The following MATN2 variants were observed in gnomAD, a reference collection of about 807,000 sequenced individuals.
MATN2 encodes the protein matrilin 2.
Under a neutral mutation model 103.2 loss-of-function variants are expected in MATN2, and 69 were observed. The ratio of observed to expected loss-of-function variants is 0.67; its 90% CI spans 0.55 to 0.82. MATN2 has a LOEUF of 0.82. MATN2 is among the 40% of genes least tolerant of loss of function. The pLI, the probability that MATN2 is intolerant of heterozygous loss-of-function variation, is 0.00. For missense variants in MATN2, 1,023 were observed against 1,211.5 expected (o/e 0.84, Z 2.31); for synonymous variants, 429 against 450.2 (o/e 0.95, Z 0.60).
At chr8:98,026,687 T>C (rs1409960403) in intron 13 of MATN2, among the ~76,000 whole-genome samples, 1 of 151,598 alleles carries the variant, frequency 6.6e-6, no homozygotes, top group Non-Finnish European at 1.5e-5. Flanking sequence ...TATTGGGGGG[T>C]GGGGCACAAA....
chr8:98,013,948 A>G (rs189113103), intron 10 of MATN2, among the ~76,000 whole-genome samples: 12 of 152,282 alleles, frequency 7.9e-5, no homozygotes, highest in Admixed American at 2.0e-4. Flanking sequence ...ATCTCAACAA[A>G]AAATATGAAA....
chr8:97,990,179 C>CAAAA (rs34924183), intron 6 of MATN2, among the ~76,000 whole-genome samples: 13 of 45,718 alleles, frequency 2.8e-4, no homozygotes, highest in African/African-American at 4.2e-4. Context: ...AAGACTCTGT[C>CAAAA]AAAAAAAAAA....
At chr8:97,908,297 T>A (rs930236425) in intron 2 of MATN2, among the ~76,000 whole-genome samples, 1 of 151,518 alleles carries the variant, frequency 6.6e-6, no homozygotes, top group African/African-American at 2.4e-5. Flanking sequence ...AAAGTATGAC[T>A]CTACTATGAG....
At chr8:97,893,135 C>G (rs1297395008) in intron 2 of MATN2, among the ~76,000 whole-genome samples, 4 of 152,204 alleles carry the variant, frequency 2.6e-5, no homozygotes, top group Non-Finnish European at 5.9e-5. Flanking sequence ...ACTGTACTCT[C>G]CGGACAGACT....
chr8:97,975,536 AG>A (rs1477481162), intron 5 of MATN2, among the ~76,000 whole-genome samples: 1 of 152,162 alleles, frequency 6.6e-6, no homozygotes, highest in Non-Finnish European at 1.5e-5. Context: ...GTAGAGTGTG[AG>A]TTTCTGACTT....
chr8:97,905,507 T>A (rs1733260396), intron 2 of MATN2, among the ~76,000 whole-genome samples: 1 of 152,188 alleles, frequency 6.6e-6, no homozygotes, highest in Non-Finnish European at 1.5e-5. Flanking sequence ...CTTTTTTCAT[T>A]TAGCTTAGTG....
At chr8:97,878,936 T>C (rs1293691375) in intron 1 of MATN2, among the ~76,000 whole-genome samples, 1 of 152,222 alleles carries the variant, frequency 6.6e-6, no homozygotes, top group Non-Finnish European at 1.5e-5. Flanking sequence ...GAGGAAGACA[T>C]GGACTTGACT....
intron 2 of MATN2, among the ~76,000 whole-genome samples, chr8:97,905,941 G>T (rs1168797995): frequency 6.6e-6 from 1 of 152,196 alleles, no homozygotes; most frequent in African/African-American, 2.4e-5. Flanking sequence ...GATTATAGGT[G>T]TGAACCACTG....
intron 6 of MATN2, among the ~76,000 whole-genome samples, chr8:97,989,411 G>A (rs1812314434): frequency 6.6e-6 from 1 of 151,146 alleles, no homozygotes; most frequent in Non-Finnish European, 1.5e-5. Context: ...AGAGCTTGCA[G>A]TGAGCCGAGA....
intron 18 of MATN2, 178 bp downstream of exon 18, chr8:98,033,837 G>A: frequency 1.8e-6 from 1 of 558,690 alleles, no homozygotes; most frequent in Non-Finnish European, 3.2e-6. Flanking sequence ...AGAGGCAAGG[G>A]CAAGCCAAGC....
intron 2 of MATN2, among the ~76,000 whole-genome samples, chr8:97,910,987 T>G (rs182509632): frequency 8.4e-4 from 128 of 152,256 alleles, no homozygotes; most frequent in East Asian, 1.4e-3. Flanking sequence ...CTTAGTTTAT[T>G]TATTTATTTT....
chr8:98,007,622 C>G lies in MATN2; in HGVS notation c.1573+21C>G. 6.2e-7 allele frequency: 1 copy of G among 1,600,222 alleles called. No homozygotes were observed. The highest frequency in any genetic ancestry group is 8.6e-7 in the Non-Finnish European group (1 of 1,169,102). On this transcript the variant is annotated intron_variant, in intron 10 of 18. Transcript: ENST00000254898. The surrounding 1 kb of genome is among the most constrained non-coding windows in gnomAD (Gnocchi z 4.2). ...TGCAAGTAAGTGTCTGAAGGACAAG[C>G]AGGACCTGCACAGGTGTTCCGTGGG...
chr8:97,883,619 C>T (rs2129962380), intron 1 of MATN2, among the ~76,000 whole-genome samples: 1 of 148,650 alleles, frequency 6.7e-6, no homozygotes, highest in South Asian at 2.1e-4. Flanking sequence ...GTGGCATGAT[C>T]TCGGCTCACT....
intron 3 of MATN2, 118 bp from the exon 4 acceptor site, chr8:97,941,659 C>G: frequency 1.7e-6 from 2 of 1,186,094 alleles, no homozygotes; most frequent in African/African-American, 1.5e-5. Flanking sequence ...GGGACTGCAG[C>G]TTATTTCTCT....
At chr8:98,011,282 CAG>C (rs1320910726) in intron 10 of MATN2, among the ~76,000 whole-genome samples, 2 of 152,160 alleles carry the variant, frequency 1.3e-5, no homozygotes, top group Non-Finnish European at 2.9e-5. Flanking sequence ...ACCCTCACAT[CAG>C]GGTTAGGGAT....
In MATN2 at chr8:98,014,421, TAGTG is replaced by T. The variant is rs533067401; in HGVS notation, c.1574-2115_1574-2112del. On this transcript the variant is annotated intron_variant, in intron 10 of 18. Transcript: ENST00000254898. ...ACCATCAGGAAATGTTCTGCATTAA[TAGTG>T]AGTCTAGAATTTGCTGAGAAAAGCA... 2.6e-3 allele frequency among the ~76,000 whole-genome samples: 401 copies of T among 152,304 alleles called. 1 individual carries two copies. Among genetic ancestry groups the T allele is most frequent in the African/African-American group, 9.0e-3 (376 of 41,566 alleles).
At position 98,030,458 on chromosome 8, in the gene MATN2, C is replaced by G. The variant is rs1211724955; in HGVS notation, c.2357-4C>G. 1 of 1,611,412 alleles carries G rather than the reference C, an allele frequency of 6.2e-7. No individual in the cohort carries two copies. The highest frequency in any genetic ancestry group is 8.5e-7 in the Non-Finnish European group (1 of 1,178,872). The stretch of plus-strand genomic sequence containing the variant: ...ACTTGCTCTTAATTTTTCCTGCACC[C>G]TAGGTATCACTATGTATGCTGTTGG... On this transcript the variant is annotated splice_region_variant and splice_polypyrimidine_tract_variant and intron_variant, in intron 14 of 18. Transcript: ENST00000254898.
chr8:97,904,399 T>C (rs1287405908), intron 2 of MATN2, among the ~76,000 whole-genome samples: 1 of 152,246 alleles, frequency 6.6e-6, no homozygotes, highest in Non-Finnish European at 1.5e-5. Context: ...CAGTTCATAA[T>C]ACTGAGCTGT....
intron 16 of MATN2, among the ~76,000 whole-genome samples, chr8:98,032,737 G>A (rs1318145113): frequency 2.6e-5 from 4 of 152,044 alleles, no homozygotes; most frequent in Admixed American, 2.6e-4. Flanking sequence ...TTACCATGTT[G>A]GCCAGGCTGG....
Sources: allele counts gnomAD v4.1 joint callset (sites outside exome capture counted in the v4.1 genomes callset), GRCh38; gene constraint gnomAD v4.1.1; non-coding constraint Gnocchi (gnomAD v3.1); transcripts MANE v1.5; gene names NCBI Gene and HGNC (gene_info 2026-07-23, HGNC 2026-07-21).